Variants in IFT81 observed in about 807,000 individuals in gnomAD.
IFT81 encodes the protein intraflagellar transport protein 81 homolog.
A neutral mutation model predicts 102.6 loss-of-function variants in IFT81; 72 were observed. The observed-to-expected ratio is 0.70, with a 90% confidence interval of 0.58 to 0.85. The LOEUF is 0.85. Among genes scored for constraint, IFT81 ranks in the 40% least tolerant of loss-of-function variants. The pLI is 0.00. For missense variants in IFT81, 723 were observed against 787.3 expected, an observed-to-expected ratio of 0.92 and a Z score of 0.98; for synonymous variants, 237 against 242.7, an observed-to-expected ratio of 0.98 and a Z score of 0.22.
rs1346676385 is a variant in IFT81, at chr12:110,124,470, G to A, written c.-413G>A. 1 of 152,306 alleles carries A rather than the reference G, an allele frequency of 6.6e-6. No individual in the cohort carries two copies. Among genetic ancestry groups the A allele is most frequent in the East Asian group, 1.9e-4 (1 of 5,188 alleles). The allele number at this position is 152,306 out of a possible 1,614,324, so 9.4% of individuals were successfully genotyped here. A position where few individuals can be genotyped will look rare whatever the true frequency, so the allele number is the denominator to read the frequency against. On this transcript the variant is annotated 5_prime_UTR_variant, in exon 1 of 19. Transcript: ENST00000242591. ...TAACCTCGCCAACTCGCGGTCGGAA[G>A]CTCCTCTGAACCCCGAAATAGGAGA...
chr12:110,169,465 T>A (rs1896634427), intron 11 of IFT81, among the ~76,000 whole-genome samples: 1 of 152,020 alleles, frequency 6.6e-6, no homozygotes, highest in Admixed American at 6.6e-5. Context: ...ATTAGTGTTA[T>A]TTTTTTTGTT....
rs538635600 is a variant in IFT81 at position 110,132,997 on chromosome 12, G to T, written c.519+361G>T. On this transcript the variant is annotated intron_variant, in intron 5 of 18. Coordinates refer to ENST00000242591, the MANE Select transcript of IFT81 (RefSeq NM_014055.4). ...TTTTTTTTTTTTTTTTTGAGACAGGGTCTCACTCTGTCATTCAGACTGGAG... is the reference window on the plus strand; with the variant it reads ...TTTTTTTTTTTTTTTTTGAGACAGGTTCTCACTCTGTCATTCAGACTGGAG... 3.7e-3 allele frequency among the ~76,000 whole-genome samples: 517 copies of T among 140,680 alleles called. 2 individuals are homozygous for T. The highest frequency in any genetic ancestry group is 0.013 in the African/African-American group (494 of 36,972). The allele number at this position is 140,680 out of a possible 152,430, so 92.3% of individuals were successfully genotyped here.
intron 14 of IFT81, among the ~76,000 whole-genome samples, chr12:110,193,017 G>T (rs916599097): frequency 1.1e-4 from 16 of 152,000 alleles, no homozygotes; most frequent in Non-Finnish European, 1.0e-4. Context: ...AAAAAAATTA[G>T]CTGAGCTTGG....
Position 110,140,412 on chromosome 12 carries a change from C to T in IFT81, c.782-2970C>T, listed in dbSNP as rs139537863. Among the ~76,000 whole-genome samples the T allele has an allele frequency of 3.2e-4, 48 of 152,292 alleles. No individual in the cohort carries two copies. In the East Asian group the frequency reaches 8.1e-3, roughly 26 times the overall value. The stretch of plus-strand genomic sequence containing the variant: ...CCTTTTTAATGTCTCACTCTTGCCC[C>T]CTTCTGCCTTTCTGTCCCTCCCCAG... On this transcript the variant is annotated intron_variant, in intron 8 of 18. Transcript: ENST00000242591.
At chr12:110,209,240 T>TA in intron 18 of IFT81, 24 bp downstream of exon 18, 2 of 1,248,834 alleles carry the variant, frequency 1.6e-6, no homozygotes, top group Non-Finnish European at 2.3e-6. Flanking sequence ...TTTATTTTTT[T>TA]AAATGTGTCT....
chr12:110,135,351 TG>T lies in IFT81; in HGVS notation c.612del (p.Trp204Ter). The T allele has an allele frequency of 6.2e-7, 1 of 1,612,650 alleles. No individual in the cohort carries two copies. The highest frequency in any genetic ancestry group is 8.5e-7 in the Non-Finnish European group (1 of 1,179,018). On this transcript the variant is annotated frameshift_variant, in exon 7 of 19. Transcript: ENST00000242591. LOFTEE classifies it high-confidence loss of function. ...GGTTGAGACAGCTCAGAATCATCAA[TG>T]GATGCTTAAAATAGCAAGGCAACTT... ...KRVETAQNHQ[W>X]MLKIARQLRV...
chr12:110,211,466 C>T (rs1414294545), intron 18 of IFT81, among the ~76,000 whole-genome samples: 1 of 152,158 alleles, frequency 6.6e-6, no homozygotes, highest in Non-Finnish European at 1.5e-5. Context: ...GCTAGGATTA[C>T]AGACATGAGC....
intron 10 of IFT81, among the ~76,000 whole-genome samples, chr12:110,157,130 A>C (rs1895886975): frequency 6.6e-6 from 1 of 151,866 alleles, no homozygotes; most frequent in East Asian, 1.9e-4. Flanking sequence ...CAGGCAGATC[A>C]TGTGGTCAGG....
chr12:110,143,940 C>G (rs1236857391), intron 9 of IFT81, among the ~76,000 whole-genome samples: 1 of 151,204 alleles, frequency 6.6e-6, no homozygotes, highest in African/African-American at 2.4e-5. Context: ...TTTTTATTAA[C>G]CTTGTATACC....
rs1453042029 is a variant in IFT81 at position 110,129,149 on chromosome 12, G to A, written c.429+19G>A. 3 of 1,534,574 alleles carry A rather than the reference G, an allele frequency of 2.0e-6. No homozygotes were observed. Among genetic ancestry groups the A allele is most frequent in the South Asian group, 1.2e-5 (1 of 82,992 alleles). On this transcript the variant is annotated intron_variant, in intron 4 of 18. Coordinates refer to ENST00000242591, the MANE Select transcript of IFT81 (RefSeq NM_014055.4). ...TAAACAGGTAAACAATACATAAATG[G>A]TACATTGAAACTGTAATGGATTTCA...
chr12:110,129,617 A>G lies in IFT81; in HGVS notation c.429+487A>G, dbSNP rs568047285. Reference sequence around the variant, plus strand: ...GCTTGCAGTCTCAAAGCACTTCCCAATCAGACAAAGGGTAGAGATAGATTC... The same window carrying G: ...GCTTGCAGTCTCAAAGCACTTCCCAGTCAGACAAAGGGTAGAGATAGATTC... On this transcript the variant is annotated intron_variant, in intron 4 of 18. Coordinates refer to ENST00000242591, the MANE Select transcript of IFT81 (RefSeq NM_014055.4). Among the ~76,000 whole-genome samples, 11 of 152,226 alleles carry G rather than the reference A, an allele frequency of 7.2e-5. No individual in the cohort carries two copies. In the East Asian group the frequency reaches 9.7e-4, roughly 13 times the overall value.
intron 11 of IFT81, among the ~76,000 whole-genome samples, chr12:110,176,105 CTGTG>C (rs1218162544): frequency 1.3e-5 from 2 of 152,118 alleles, no homozygotes; most frequent in Admixed American, 1.3e-4. Context: ...GCCTATGTCT[CTGTG>C]TGTTTCCTCA....
chr12:110,167,851 T>C (rs905815697), intron 11 of IFT81: 16 of 275,168 alleles, frequency 5.8e-5, no homozygotes, highest in East Asian at 1.3e-4. Context: ...AGGTTTCTTT[T>C]TTTTTTTTTT....
intron 10 of IFT81, among the ~76,000 whole-genome samples, chr12:110,159,630 A>G (rs918518627): frequency 2.0e-5 from 3 of 152,240 alleles, no homozygotes; most frequent in African/African-American, 7.2e-5. Flanking sequence ...ATCCGGACCT[A>G]TAATTCCTCT....
chr12:110,201,229 C>T (rs1212566900), intron 14 of IFT81, among the ~76,000 whole-genome samples: 1 of 151,730 alleles, frequency 6.6e-6, no homozygotes, highest in Admixed American at 6.6e-5. Context: ...ATGGTGAAAC[C>T]TTGTCTCTAC....
intron 12 of IFT81, among the ~76,000 whole-genome samples, chr12:110,189,529 A>G (rs1190668161): frequency 6.6e-6 from 1 of 151,964 alleles, no homozygotes; most frequent in East Asian, 1.9e-4. Context: ...TTGTATTTTT[A>G]GTAGAGACAA....
chr12:110,217,947 T>A, intron 18 of IFT81, 97 bp from the exon 19 acceptor site: 1 of 802,324 alleles, frequency 1.2e-6, no homozygotes, highest in Non-Finnish European at 1.9e-6. Flanking sequence ...CTATTTTTTA[T>A]CTACTGTAGA....
At chr12:110,217,012 A>G (rs1301615657) in intron 18 of IFT81, among the ~76,000 whole-genome samples, 1 of 152,174 alleles carries the variant, frequency 6.6e-6, no homozygotes, top group Non-Finnish European at 1.5e-5. Context: ...CTATAACTGT[A>G]CATTCTTGAG....
At chr12:110,171,220 G>T (rs556438367) in intron 11 of IFT81, among the ~76,000 whole-genome samples, 13 of 151,728 alleles carry the variant, frequency 8.6e-5, no homozygotes, top group African/African-American at 2.7e-4. Context: ...ATGCAGTCTA[G>T]GTAATGCCAC....
Sources: gnomAD v4.1 joint callset for allele counts (sites outside exome capture counted in the v4.1 genomes callset) on GRCh38, gnomAD v4.1.1 for gene constraint, MANE v1.5 for transcripts, NCBI Gene and HGNC (gene_info 2026-07-23, HGNC 2026-07-21) for gene names.